DLGAP1: variants seen among roughly 807,000 people sequenced by gnomAD.
DLGAP1 encodes the protein DLG associated protein 1.
DLGAP1 carries 11 observed loss-of-function variants against 90.8 expected under a neutral mutation model. The ratio of observed to expected loss-of-function variants is 0.12; its 90% CI spans 0.08 to 0.20. DLGAP1 has a LOEUF of 0.20. Ranked by LOEUF, DLGAP1 falls within the 10% of genes least tolerant of loss-of-function variation. The pLI is 1.00. For synonymous variants in DLGAP1, 558 were observed against 540.7 expected (o/e 1.03, Z -0.44); for missense variants, 1,050 against 1,333.8 (o/e 0.79, Z 3.31).
At chr18:3,634,980 G>A (rs1423600061) in intron 7 of DLGAP1, among the ~76,000 whole-genome samples, 1 of 152,204 alleles carries the variant, frequency 6.6e-6, no homozygotes, top group African/African-American at 2.4e-5. Flanking sequence ...CCTGGCTCCT[G>A]TTAGAGCAGG....
intron 7 of DLGAP1, among the ~76,000 whole-genome samples, chr18:3,661,393 C>T (rs1300837371): frequency 6.6e-6 from 1 of 152,102 alleles, no homozygotes; most frequent in Non-Finnish European, 1.5e-5. Context: ...GCTGTCTGCC[C>T]AGATCTCATG....
At chr18:3,850,610 C>T (rs180696171) in intron 4 of DLGAP1, among the ~76,000 whole-genome samples, 8 of 152,144 alleles carry the variant, frequency 5.3e-5, no homozygotes, top group East Asian at 1.9e-4. Context: ...TTAAAAGAAA[C>T]GGTGGTGGCA....
At chr18:4,429,232 C>T (rs2083226328) in intron 1 of DLGAP1, among the ~76,000 whole-genome samples, 1 of 152,056 alleles carries the variant, frequency 6.6e-6, no homozygotes, top group South Asian at 2.1e-4. Context: ...GAATAACTAT[C>T]AATAAATTGA....
At chr18:4,168,112 C>T (rs939450394) in intron 1 of DLGAP1, among the ~76,000 whole-genome samples, 13 of 152,040 alleles carry the variant, frequency 8.6e-5, no homozygotes, top group Admixed American at 3.3e-4. Context: ...TGGAAATAAA[C>T]AGGCGCTGGA....
At chr18:4,274,935 G>C (rs2079376432) in intron 1 of DLGAP1, among the ~76,000 whole-genome samples, 3 of 151,820 alleles carry the variant, frequency 2.0e-5, no homozygotes, top group African/African-American at 4.8e-5. Context: ...GGAACAAATT[G>C]GTAAGATGCT....
chr18:3,844,693 A>G (rs890754520), intron 4 of DLGAP1, among the ~76,000 whole-genome samples: 5 of 152,224 alleles, frequency 3.3e-5, no homozygotes, highest in African/African-American at 1.2e-4. Flanking sequence ...CCAATTTTAC[A>G]AAATAAAACT....
intron 1 of DLGAP1, among the ~76,000 whole-genome samples, chr18:4,343,050 G>GT (rs1159138009): frequency 1.3e-5 from 2 of 152,154 alleles, no homozygotes; most frequent in African/African-American, 4.8e-5. Flanking sequence ...GCTCATGCCT[G>GT]TAATGCCAGC....
chr18:3,839,440 A>G (rs940344904), intron 4 of DLGAP1, among the ~76,000 whole-genome samples: 3 of 152,180 alleles, frequency 2.0e-5, no homozygotes, highest in Admixed American at 2.0e-4. Flanking sequence ...CATTGGTAGC[A>G]TGGGAGCTAG....
Position 4,135,902 on chromosome 18 carries a change from G to A in DLGAP1, c.-159+15278C>T, listed in dbSNP as rs1444743332. Among the ~76,000 whole-genome samples the A allele has an allele frequency of 6.7e-5, 10 of 149,516 alleles. No individual in the cohort carries two copies. The Admixed American group carries it at 6.7e-4, about 10-fold the overall frequency. On this transcript the variant is annotated intron_variant, in intron 2 of 12. Coordinates refer to ENST00000315677, the MANE Select transcript of DLGAP1 (RefSeq NM_004746.4). ...TTATTATTATACTTTAAGTTCTAGG[G>A]TACATGTGCACAACATGCAGGTTTG...
chr18:3,533,471 T>C (rs1464784715), intron 10 of DLGAP1, among the ~76,000 whole-genome samples: 1 of 152,196 alleles, frequency 6.6e-6, no homozygotes. Flanking sequence ...CTATACGTTA[T>C]AAGCCTTGTT....
At chr18:4,412,955 AGGG>A (rs2082811665) in intron 1 of DLGAP1, among the ~76,000 whole-genome samples, 1 of 152,190 alleles carries the variant, frequency 6.6e-6, no homozygotes, top group Non-Finnish European at 1.5e-5. Flanking sequence ...GGCAGATCGG[AGGG>A]GATGCTATTA....
chr18:4,183,314 C>A (rs1267387033), intron 1 of DLGAP1, among the ~76,000 whole-genome samples: 1 of 151,884 alleles, frequency 6.6e-6, no homozygotes, highest in Admixed American at 6.6e-5. Context: ...ACTTAACTGA[C>A]AATGTGAGAG....
At chr18:3,999,170 T>C (rs1198547992) in intron 3 of DLGAP1, among the ~76,000 whole-genome samples, 1 of 152,128 alleles carries the variant, frequency 6.6e-6, no homozygotes, top group Non-Finnish European at 1.5e-5. Context: ...TATTTGTATA[T>C]AATTTGTATA....
intron 1 of DLGAP1, among the ~76,000 whole-genome samples, chr18:4,160,370 C>T (rs1442590939): frequency 6.6e-6 from 1 of 152,202 alleles, no homozygotes; most frequent in Non-Finnish European, 1.5e-5. Flanking sequence ...ATCCACTGGG[C>T]TGACTGCCTT....
At chr18:3,957,966 TCA>T (rs1174441049) in intron 3 of DLGAP1, among the ~76,000 whole-genome samples, 1 of 151,350 alleles carries the variant, frequency 6.6e-6, no homozygotes, top group African/African-American at 2.4e-5. Flanking sequence ...TGATCTCGGC[TCA>T]CTGCAACCTC....
At chr18:4,393,143 T>C (rs2082372050) in intron 1 of DLGAP1, among the ~76,000 whole-genome samples, 1 of 152,238 alleles carries the variant, frequency 6.6e-6, no homozygotes, top group Non-Finnish European at 1.5e-5. Flanking sequence ...AATTAGATTT[T>C]GTCACTTGCA....
intron 3 of DLGAP1, chr18:3,986,559 T>G (rs2073847452): frequency 6.6e-6 from 1 of 152,180 alleles, no homozygotes; most frequent in Non-Finnish European, 1.5e-5. Flanking sequence ...TGCTTTTATT[T>G]TCTTTAAAAA....
chr18:3,603,802 C>T (rs2057192817), intron 7 of DLGAP1: 1 of 154,416 alleles, frequency 6.5e-6, no homozygotes, highest in South Asian at 2.0e-4. Context: ...CAATCTCCCC[C>T]AGGACACAGA....
chr18:4,222,941 A>T (rs1029458622), intron 1 of DLGAP1, among the ~76,000 whole-genome samples: 4 of 152,122 alleles, frequency 2.6e-5, no homozygotes, highest in Non-Finnish European at 4.4e-5. Flanking sequence ...AAAAGAAATA[A>T]AAGAAATGAT....
Sources: allele counts gnomAD v4.1 joint callset (sites outside exome capture counted in the v4.1 genomes callset), GRCh38; gene constraint gnomAD v4.1.1; transcripts MANE v1.5; gene names NCBI Gene and HGNC (gene_info 2026-07-23, HGNC 2026-07-21).